SATL1: variants seen among roughly 807,000 people sequenced by gnomAD.
SATL1 encodes the protein spermidine/spermine N1-acetyl transferase like 1, also known as spermidine/spermine N(1)-acetyltransferase-like protein 1.
Under a neutral mutation model 51.8 loss-of-function variants are expected in SATL1, and 47 were observed. The observed-to-expected ratio is 0.91, with a 90% CI of 0.72 to 1.16. The LOEUF (loss-of-function observed/expected upper bound fraction) is 1.16, where lower values mean the gene tolerates loss of function less well. SATL1 is among the 50% of genes most tolerant of loss of function. The pLI is 0.00. For missense variants in SATL1, 520 were observed against 526.4 expected (o/e 0.99, Z 0.12); for synonymous variants, 176 against 182.4 (o/e 0.97, Z 0.28).
intron 2 of SATL1, among the ~76,000 whole-genome samples, chrX:85,162,729 G>A (rs1317170160): frequency 1.8e-5 from 2 of 111,268 alleles, no homozygotes; most frequent in African/African-American, 6.5e-5. Flanking sequence ...TGCCAATTTT[G>A]CTGAAGGTTT....
At chrX:85,228,610 C>T (rs1296681462) in intron 1 of SATL1, among the ~76,000 whole-genome samples, 1 of 111,342 alleles carries the variant, frequency 9.0e-6, no homozygotes, top group Non-Finnish European at 1.9e-5. Flanking sequence ...GTCAAGGTCA[C>T]CAATGACCTC....
At chrX:85,098,562 A>T (rs760821266) in intron 4 of SATL1, among the ~76,000 whole-genome samples, 1 of 112,273 alleles carries the variant, frequency 8.9e-6, no homozygotes, top group East Asian at 2.8e-4. Flanking sequence ...ATTAGGTCAC[A>T]TACCAAGTCT....
chrX:85,191,365 A>G (rs1441871598), intron 2 of SATL1, among the ~76,000 whole-genome samples: 1 of 111,487 alleles, frequency 9.0e-6, no homozygotes, highest in Non-Finnish European at 1.9e-5. Context: ...ACATCAAACT[A>G]TTATCATTTC....
At chrX:85,173,661 A>C (rs1927022321) in intron 2 of SATL1, among the ~76,000 whole-genome samples, 3 of 111,134 alleles carry the variant, frequency 2.7e-5, no homozygotes, top group Non-Finnish European at 3.8e-5. Flanking sequence ...AAGCATTTCA[A>C]ACACTTAAAC....
At chrX:85,177,071 C>A (rs1386136109) in intron 2 of SATL1, among the ~76,000 whole-genome samples, 1 of 111,305 alleles carries the variant, frequency 9.0e-6, no homozygotes, top group African/African-American at 3.3e-5. Flanking sequence ...AACTGACTAG[C>A]ATTATTCAAG....
chrX:85,175,975 T>C (rs1010749292), intron 2 of SATL1, among the ~76,000 whole-genome samples: 4 of 111,578 alleles, frequency 3.6e-5, no homozygotes, highest in Non-Finnish European at 1.9e-5. Flanking sequence ...AGAGCAAAGA[T>C]GGAGATTACA....
intron 2 of SATL1, among the ~76,000 whole-genome samples, chrX:85,148,911 C>G (rs747149298): frequency 2.7e-5 from 3 of 110,546 alleles, no homozygotes; most frequent in African/African-American, 9.9e-5. Flanking sequence ...CATCAACTAA[C>G]GAGCAAAATA....
At chrX:85,212,860 C>T (rs183228285) in intron 2 of SATL1, 53 of 110,442 alleles carry the variant, frequency 4.8e-4, no homozygotes, top group Admixed American at 1.8e-3. Flanking sequence ...TGGTTATCAA[C>T]GTAATAATTC....
chrX:85,180,725 A>T (rs894406248), intron 2 of SATL1, among the ~76,000 whole-genome samples: 1 of 111,048 alleles, frequency 9.0e-6, no homozygotes, highest in South Asian at 3.7e-4. Context: ...CCAGGGTGGA[A>T]TGTGCTTAAA....
At chrX:85,164,471 G>C (rs1417788062) in intron 2 of SATL1, among the ~76,000 whole-genome samples, 1 of 111,364 alleles carries the variant, frequency 9.0e-6, no homozygotes, top group Non-Finnish European at 1.9e-5. Context: ...GTCTGAAAAA[G>C]ACTTTATCTC....
chrX:85,184,425 C>G (rs913782971), intron 2 of SATL1, among the ~76,000 whole-genome samples: 18 of 111,335 alleles, frequency 1.6e-4, no homozygotes, highest in African/African-American at 4.6e-4. Flanking sequence ...CTACCCCTAT[C>G]TCTCTCTCTA....
At chrX:85,132,628 C>T (rs1375359604) in intron 2 of SATL1, among the ~76,000 whole-genome samples, 1 of 111,582 alleles carries the variant, frequency 9.0e-6, no homozygotes, top group Non-Finnish European at 1.9e-5. Flanking sequence ...TTTGTTATTA[C>T]TGACCTTCTG....
chrX:85,209,335 C>T (rs1329784255), intron 2 of SATL1: 1 of 111,615 alleles, frequency 9.0e-6, no homozygotes, highest in Non-Finnish European at 1.9e-5. Flanking sequence ...GTTCTTTTGG[C>T]TTAGGATTGT....
chrX:85,093,942 A>G (rs967872260), intron 6 of SATL1, among the ~76,000 whole-genome samples, 186 bp downstream of exon 6: 1 of 112,063 alleles, frequency 8.9e-6, no homozygotes, highest in African/African-American at 3.2e-5. Flanking sequence ...ATGTTTTTCT[A>G]ATCTGTGACT....
intron 2 of SATL1, among the ~76,000 whole-genome samples, chrX:85,196,464 C>T (rs1256031184): frequency 9.0e-6 from 1 of 111,121 alleles, no homozygotes; most frequent in Non-Finnish European, 1.9e-5. Context: ...CACTGTGATG[C>T]TAAAATTCAT....
At chrX:85,236,055 G>A (rs1187799994) in intron 1 of SATL1, among the ~76,000 whole-genome samples, 1 of 110,939 alleles carries the variant, frequency 9.0e-6, no homozygotes, top group Non-Finnish European at 1.9e-5. Context: ...ACTACTATGG[G>A]CAACCATATA....
intron 2 of SATL1, among the ~76,000 whole-genome samples, chrX:85,185,163 C>G (rs779348263): frequency 8.9e-5 from 10 of 112,380 alleles, no homozygotes; most frequent in African/African-American, 2.9e-4. Context: ...ACACTCTTTT[C>G]TCTCTCCTCT....
intron 2 of SATL1, among the ~76,000 whole-genome samples, chrX:85,118,156 A>G (rs1925427487): frequency 1.0e-5 from 1 of 99,939 alleles, no homozygotes; most frequent in South Asian, 5.2e-4. Context: ...ATGTAAGGTC[A>G]GAGCTCTTGG....
Position 85,174,651 on chromosome X carries a change from AG to A in SATL1, c.-313+49553del, listed in dbSNP as rs1185115951. ...AAAACTTTTAAACACCAGAAATCTA[AG>A]AGAATAACTTAACAGATGGGGAAAG... On this transcript the variant is annotated intron_variant, in intron 2 of 7. Transcript: ENST00000644105. 3.6e-5 allele frequency among the ~76,000 whole-genome samples: 4 copies of A among 111,630 alleles called. No homozygotes were observed. In the East Asian group the frequency reaches 1.1e-3, roughly 31 times the overall value.
Sources: gnomAD v4.1 joint callset for allele counts (sites outside exome capture counted in the v4.1 genomes callset) on GRCh38, gnomAD v4.1.1 for gene constraint, MANE v1.5 for transcripts, NCBI Gene and HGNC (gene_info 2026-07-23, HGNC 2026-07-21) for gene names.